Variants in ADAMTS19 observed in about 807,000 individuals in gnomAD.
ADAMTS19 encodes A disintegrin and metalloproteinase with thrombospondin motifs 19.
Under a neutral mutation model 153.3 loss-of-function variants are expected in ADAMTS19, and 93 were observed. The observed-to-expected ratio is 0.61, with a 90% CI of 0.51 to 0.72. The LOEUF (loss-of-function observed/expected upper bound fraction) is 0.72, where lower values mean the gene tolerates loss of function less well. Among genes scored for constraint, ADAMTS19 ranks in the 30% least tolerant of loss-of-function variants. ADAMTS19 has a pLI of 0.00. For missense variants in ADAMTS19, 1,482 were observed against 1,552.1 expected (o/e 0.95, Z 0.76); for synonymous variants, 600 against 556.6 (o/e 1.08, Z -1.10).
chr5:129,557,376 T>C (rs933130855), intron 7 of ADAMTS19, among the ~76,000 whole-genome samples: 8 of 152,108 alleles, frequency 5.3e-5, no homozygotes, highest in African/African-American at 1.9e-4. Flanking sequence ...GGCAGGCAGA[T>C]TGCTTCAGGC....
At chr5:129,713,048 G>A (rs768191746) in intron 21 of ADAMTS19, among the ~76,000 whole-genome samples, 32 of 152,112 alleles carry the variant, frequency 2.1e-4, no homozygotes, top group Non-Finnish European at 3.7e-4. Context: ...CTTATGCAGC[G>A]TAATAGGGAA....
chr5:129,681,991 A>T (rs2127121882), intron 17 of ADAMTS19, among the ~76,000 whole-genome samples: 1 of 152,306 alleles, frequency 6.6e-6, no homozygotes, highest in Non-Finnish European at 1.5e-5. Context: ...CCTTTAATAA[A>T]TGTAACCTCC....
intron 2 of ADAMTS19, among the ~76,000 whole-genome samples, chr5:129,504,114 T>A (rs1369600081): frequency 6.6e-6 from 1 of 152,176 alleles, no homozygotes; most frequent in Non-Finnish European, 1.5e-5. Context: ...GTTTATTTTA[T>A]TTTCTGGCTA....
At chr5:129,587,297 A>G (rs1226574386) in intron 7 of ADAMTS19, among the ~76,000 whole-genome samples, 1 of 151,264 alleles carries the variant, frequency 6.6e-6, no homozygotes, top group African/African-American at 2.4e-5. Flanking sequence ...GAGTTTCTGC[A>G]TCTTTTATCA....
chr5:129,520,193 A>G (rs1751751009), intron 3 of ADAMTS19, among the ~76,000 whole-genome samples: 1 of 151,880 alleles, frequency 6.6e-6, no homozygotes, highest in Non-Finnish European at 1.5e-5. Flanking sequence ...TTTCTTCAAA[A>G]CTTTCTCTTC....
At chr5:129,488,557 C>A (rs529581896) in intron 2 of ADAMTS19, among the ~76,000 whole-genome samples, 2 of 152,130 alleles carry the variant, frequency 1.3e-5, no homozygotes, top group South Asian at 4.1e-4. Context: ...TTTAATGTTA[C>A]AATTGAGCTT....
At chr5:129,471,714 C>A (rs1263237167) in intron 2 of ADAMTS19, among the ~76,000 whole-genome samples, 2 of 152,128 alleles carry the variant, frequency 1.3e-5, no homozygotes, top group Non-Finnish European at 2.9e-5. Context: ...CCACCCTCCA[C>A]CCTCTAGTAG....
chr5:129,610,459 T>A (rs6898724), intron 8 of ADAMTS19, among the ~76,000 whole-genome samples: 2 of 151,696 alleles, frequency 1.3e-5, no homozygotes, highest in African/African-American at 4.8e-5. Flanking sequence ...CCCACAATAG[T>A]CCCCAGTGTG....
At chr5:129,603,749 C>A (rs780168777) in intron 8 of ADAMTS19, among the ~76,000 whole-genome samples, 1 of 152,164 alleles carries the variant, frequency 6.6e-6, no homozygotes, top group African/African-American at 2.4e-5. Flanking sequence ...GACTTCTGCT[C>A]CCACCTAAAG....
chr5:129,509,698 T>A (rs1581021216), intron 3 of ADAMTS19, among the ~76,000 whole-genome samples: 1 of 152,092 alleles, frequency 6.6e-6, no homozygotes, highest in Non-Finnish European at 1.5e-5. Flanking sequence ...GAGGTTAAAA[T>A]TAGCTGCAGA....
At chr5:129,719,969 G>A (rs1009817693) in intron 21 of ADAMTS19, among the ~76,000 whole-genome samples, 2 of 152,066 alleles carry the variant, frequency 1.3e-5, no homozygotes, top group South Asian at 2.1e-4. Flanking sequence ...GAACCTGGGA[G>A]GCAGAGATTG....
chr5:129,499,236 A>T (rs758090114), intron 2 of ADAMTS19, among the ~76,000 whole-genome samples: 3 of 152,120 alleles, frequency 2.0e-5, no homozygotes, highest in Non-Finnish European at 4.4e-5. Flanking sequence ...ACAAGAAAGT[A>T]TATGAAAATA....
At chr5:129,489,509 A>T (rs148969800) in intron 2 of ADAMTS19, among the ~76,000 whole-genome samples, 1 of 152,320 alleles carries the variant, frequency 6.6e-6, no homozygotes. Context: ...ACAGTAAAAC[A>T]AAATTTGTAT....
chr5:129,554,387 C>G (rs1019447563), intron 7 of ADAMTS19, among the ~76,000 whole-genome samples: 7 of 152,034 alleles, frequency 4.6e-5, no homozygotes, highest in Admixed American at 4.6e-4. Context: ...GACCCTAGGC[C>G]TAAGCCAGTC....
At chr5:129,681,016 C>T (rs1412524529) in intron 17 of ADAMTS19, among the ~76,000 whole-genome samples, 1 of 152,188 alleles carries the variant, frequency 6.6e-6, no homozygotes, top group Non-Finnish European at 1.5e-5. Context: ...ACATATAAAA[C>T]AACTCTAAAA....
chr5:129,543,147 T>A (rs1427043634), intron 6 of ADAMTS19, among the ~76,000 whole-genome samples: 1 of 151,954 alleles, frequency 6.6e-6, no homozygotes, highest in African/African-American at 2.4e-5. Context: ...CCTCCCAGGT[T>A]CAAGTGATTC....
chr5:129,671,106 G>A (rs1287834369), intron 16 of ADAMTS19, among the ~76,000 whole-genome samples: 1 of 152,148 alleles, frequency 6.6e-6, no homozygotes, highest in East Asian at 1.9e-4. Flanking sequence ...CTTACTTGCT[G>A]ACTCAGAAAA....
At chr5:129,575,325 T>C (rs1486210832) in intron 7 of ADAMTS19, among the ~76,000 whole-genome samples, 1 of 152,116 alleles carries the variant, frequency 6.6e-6, no homozygotes, top group Non-Finnish European at 1.5e-5. Flanking sequence ...ATTTTTTAAT[T>C]GTCCCTATTT....
At chr5:129,693,958 C>T in intron 18 of ADAMTS19, among the ~76,000 whole-genome samples, 1 of 152,082 alleles carries the variant, frequency 6.6e-6, no homozygotes, top group East Asian at 1.9e-4. Flanking sequence ...AACAAATGTG[C>T]TTTCCATAAC....
Sources: allele counts gnomAD v4.1 joint callset (sites outside exome capture counted in the v4.1 genomes callset), GRCh38; gene constraint gnomAD v4.1.1; transcripts MANE v1.5; gene names NCBI Gene and HGNC (gene_info 2026-07-23, HGNC 2026-07-21).